Variants in CELF4 observed in about 807,000 individuals in gnomAD.
CELF4 encodes the protein CUG-BP- and ETR-3-like factor 4.
In CELF4, 18 loss-of-function variants were observed where a neutral mutation model predicts 59.9. The observed-to-expected ratio is 0.30, with a 90% CI of 0.21 to 0.45. The LOEUF (loss-of-function observed/expected upper bound fraction) is 0.45, where lower values mean the gene tolerates loss of function less well. Ranked by LOEUF, CELF4 falls within the 20% of genes least tolerant of loss-of-function variation. The pLI is 1.00. For missense variants in CELF4, 456 were observed against 689.0 expected (o/e 0.66, Z 3.79); for synonymous variants, 261 against 267.1 (o/e 0.98, Z 0.22).
intron 2 of CELF4, among the ~76,000 whole-genome samples, chr18:37,471,972 G>T (rs1210052368): frequency 1.3e-5 from 2 of 152,182 alleles, no homozygotes; most frequent in African/African-American, 4.8e-5. Context: ...AATCCATGAG[G>T]GTGTCCAGGG....
chr18:37,431,658 T>C (rs578065374), intron 2 of CELF4, among the ~76,000 whole-genome samples: 1 of 152,350 alleles, frequency 6.6e-6, no homozygotes, highest in South Asian at 2.1e-4. Context: ...CGTGAGCCAC[T>C]GCACCTGGCC....
chr18:37,448,897 C>T (rs1019540219), intron 2 of CELF4, among the ~76,000 whole-genome samples: 1 of 152,236 alleles, frequency 6.6e-6, no homozygotes, highest in Non-Finnish European at 1.5e-5. Context: ...GCCCACACGC[C>T]ACAGCCACTG....
chr18:37,385,478 GT>G (rs2099089606), intron 2 of CELF4, among the ~76,000 whole-genome samples: 1 of 152,100 alleles, frequency 6.6e-6, no homozygotes, highest in South Asian at 2.1e-4. Context: ...ACTGGCTGTA[GT>G]TTCTCCCCAT....
chr18:37,406,925 C>A (rs1042490328), intron 2 of CELF4, among the ~76,000 whole-genome samples: 3 of 152,108 alleles, frequency 2.0e-5, no homozygotes, highest in African/African-American at 7.2e-5. Flanking sequence ...TGAAGGAGAC[C>A]AGTCTGAACA....
At chr18:37,323,876 C>T (rs1457356499) in intron 2 of CELF4, among the ~76,000 whole-genome samples, 2 of 152,196 alleles carry the variant, frequency 1.3e-5, no homozygotes, top group Admixed American at 1.3e-4. Context: ...CACATGAGTG[C>T]TACCAACACA....
chr18:37,285,010 T>A (rs190584620), intron 3 of CELF4, among the ~76,000 whole-genome samples: 263 of 152,204 alleles, frequency 1.7e-3, no homozygotes, highest in Non-Finnish European at 3.2e-3. Flanking sequence ...TCTCCACCCC[T>A]CCATCTCTGC....
chr18:37,539,649 G>A (rs769586362), intron 1 of CELF4, among the ~76,000 whole-genome samples: 18 of 152,120 alleles, frequency 1.2e-4, no homozygotes, highest in Non-Finnish European at 1.9e-4. Context: ...AATGCTCTCC[G>A]CACTGTTTGA....
chr18:37,538,658 C>T (rs1320450903), intron 1 of CELF4, among the ~76,000 whole-genome samples: 4 of 152,176 alleles, frequency 2.6e-5, no homozygotes, highest in Non-Finnish European at 4.4e-5. Flanking sequence ...TTCCAATTGT[C>T]GCTTGTGGGT....
chr18:37,267,242 G>A (rs1601303929), intron 8 of CELF4, among the ~76,000 whole-genome samples: 1 of 152,236 alleles, frequency 6.6e-6, no homozygotes, highest in Non-Finnish European at 1.5e-5. Context: ...GGAACCAGGA[G>A]ACCAAGGACC....
intron 1 of CELF4, among the ~76,000 whole-genome samples, chr18:37,490,978 G>A (rs1042363685): frequency 1.1e-4 from 16 of 152,248 alleles, no homozygotes; most frequent in African/African-American, 3.6e-4. Context: ...CAGGATAGAA[G>A]CGCAGCCTGT....
At chr18:37,333,673 C>T (rs2097647748) in intron 2 of CELF4, among the ~76,000 whole-genome samples, 1 of 151,810 alleles carries the variant, frequency 6.6e-6, no homozygotes, top group African/African-American at 2.4e-5. Context: ...GCTCTGCCCT[C>T]TCTGCTTGGT....
At chr18:37,443,815 C>A (rs936807076) in intron 2 of CELF4, among the ~76,000 whole-genome samples, 1 of 152,108 alleles carries the variant, frequency 6.6e-6, no homozygotes, top group Non-Finnish European at 1.5e-5. Context: ...ATAATTCATC[C>A]GCCCTCCATT....
intron 3 of CELF4, among the ~76,000 whole-genome samples, chr18:37,293,908 A>T (rs1168248390): frequency 2.4e-5 from 1 of 41,308 alleles, no homozygotes; most frequent in Non-Finnish European, 4.5e-5. Context: ...CACATCAAAC[A>T]TATGGGGGTC....
chr18:37,260,056 C>A (rs2073316629), intron 10 of CELF4, among the ~76,000 whole-genome samples: 1 of 152,210 alleles, frequency 6.6e-6, no homozygotes, highest in South Asian at 2.1e-4. Flanking sequence ...ATCCTTACAG[C>A]AACCCTGTGA....
chr18:37,543,493 G>C (rs1007176587), intron 1 of CELF4, among the ~76,000 whole-genome samples: 3 of 152,188 alleles, frequency 2.0e-5, no homozygotes, highest in African/African-American at 7.2e-5. Flanking sequence ...CTCCCCATGA[G>C]TGTGTGAGCC....
At position 37,529,840 on chromosome 18, in the gene CELF4, G is replaced by A. The variant is rs763022763; in HGVS notation, c.286+35516C>T. Among the ~76,000 whole-genome samples the A allele has an allele frequency of 4.6e-5, 7 of 152,130 alleles. No individual in the cohort carries two copies. In the South Asian group the frequency reaches 1.0e-3, roughly 23 times the overall value. ...CCGTATATCTCCCTGAAAAATGTAC[G>A]TGCCTGGACTTCACCCACAGACATT... On this transcript the variant is annotated intron_variant, in intron 1 of 12. Coordinates refer to ENST00000420428, the MANE Select transcript of CELF4 (RefSeq NM_020180.4).
intron 2 of CELF4, among the ~76,000 whole-genome samples, chr18:37,397,366 C>A (rs920192482): frequency 6.6e-6 from 1 of 152,184 alleles, no homozygotes; most frequent in Admixed American, 6.5e-5. Context: ...TAGACAAAGC[C>A]ATGATCCCTG....
intron 2 of CELF4, among the ~76,000 whole-genome samples, chr18:37,387,834 T>C (rs923467119): frequency 1.3e-5 from 2 of 152,200 alleles, no homozygotes; most frequent in African/African-American, 4.8e-5. Context: ...TCCCCAATCC[T>C]GGCGAAGGAG....
chr18:37,424,967 G>A (rs1041469604), intron 2 of CELF4, among the ~76,000 whole-genome samples: 2 of 151,984 alleles, frequency 1.3e-5, no homozygotes, highest in Non-Finnish European at 2.9e-5. Context: ...TTCCACTCTC[G>A]CCCCACCCGC....
Sources: allele counts gnomAD v4.1 joint callset (sites outside exome capture counted in the v4.1 genomes callset), GRCh38; gene constraint gnomAD v4.1.1; transcripts MANE v1.5; gene names NCBI Gene and HGNC (gene_info 2026-07-23, HGNC 2026-07-21).